BMI1: variants seen among roughly 807,000 people sequenced by gnomAD.
BMI1 encodes BMI1 proto-oncogene, polycomb ring finger.
A neutral mutation model predicts 39.1 loss-of-function variants in BMI1; 9 were observed. The observed-to-expected ratio is 0.23, with a 90% CI of 0.14 to 0.40. The LOEUF is 0.40. Among genes scored for constraint, BMI1 ranks in the 10% least tolerant of loss-of-function variants. The pLI, the probability that BMI1 is intolerant of heterozygous loss-of-function variation, is 1.00. For missense variants in BMI1, 252 were observed against 390.8 expected (o/e 0.64, Z 2.99); for synonymous variants, 131 against 127.9 (o/e 1.02, Z -0.16).
rs1276180701 is a variant in BMI1 at position 22,330,456 on chromosome 10, C to T, written c.*914C>T. Reference sequence around the variant, plus strand: ...AGTCTGTTCCATTAGAAGCAATTGGCACATCTTTCTATACTTTATATACTT... The same window carrying T: ...AGTCTGTTCCATTAGAAGCAATTGGTACATCTTTCTATACTTTATATACTT... On this transcript the variant is annotated 3_prime_UTR_variant, in exon 10 of 10. Transcript: ENST00000376663. 1 of 152,402 alleles carries T rather than the reference C, an allele frequency of 6.6e-6. No homozygotes were observed. Among genetic ancestry groups the T allele is most frequent in the Non-Finnish European group, 1.5e-5 (1 of 68,024 alleles). 9.4% of individuals were successfully genotyped at this position (152,402 alleles called of 1,614,324 possible).
At chr10:22,321,799 C>T (rs1400256822) in intron 1 of BMI1, 103 bp downstream of exon 1, 1 of 144,380 alleles carries the variant, frequency 6.9e-6, no homozygotes, top group Non-Finnish European at 1.5e-5. Flanking sequence ...CCCCGCGCCC[C>T]GGCCGCGCCG....
downstream of BMI1, among the ~76,000 whole-genome samples, chr10:22,331,673 G>A (rs1362701134): frequency 6.6e-6 from 1 of 152,072 alleles, no homozygotes; most frequent in Admixed American, 6.5e-5. Context: ...ATAAAACCAA[G>A]TTATCAACAT....
intron 1 of BMI1, among the ~76,000 whole-genome samples, chr10:22,322,384 T>TG (rs1357632072): frequency 2.0e-5 from 3 of 152,162 alleles, no homozygotes; most frequent in African/African-American, 7.2e-5. Context: ...TAACTTAAGT[T>TG]GGGGGGACAC....
In BMI1 at chr10:22,329,365, C is replaced by T. The variant is rs766117385; in HGVS notation, c.804C>T (p.Thr268=). The T allele has an allele frequency of 1.1e-5, 17 of 1,614,178 alleles. No homozygotes were observed. The highest frequency in any genetic ancestry group is 1.1e-5 in the Non-Finnish European group (13 of 1,180,026). Residue 268 remains threonine, a synonymous_variant, in exon 10 of 10, where the codon ACC becomes ACT. Transcript: ENST00000376663. ...GCCCAGCAGGAGGTATTCCCTCCAC[C>T]TCTTCTTGTTTGCCTAGCCCCAGTA... ...ANSPAGGIPS[T]SSCLPSPSTP... is the part of the protein sequence containing the mutation.
chr10:22,327,138 G>A (rs1428809104), intron 3 of BMI1, 152 bp downstream of exon 3: 22 of 924,086 alleles, frequency 2.4e-5, no homozygotes, highest in Non-Finnish European at 3.3e-5. Context: ...TTAATTTCTT[G>A]CCATATTAAT....
At chr10:22,325,544 G>T (rs1197031138) in intron 1 of BMI1, 1 of 148,746 alleles carries the variant, frequency 6.7e-6, no homozygotes, top group South Asian at 2.1e-4. Flanking sequence ...CTGTGGCCTC[G>T]TGGGGCTGCC....
At position 22,321,165 on chromosome 10, in the gene BMI1, G is replaced by A. The variant is rs1427322056; in HGVS notation, c.-551G>A. On this transcript the variant is annotated 5_prime_UTR_variant, in exon 1 of 10. Transcript: ENST00000376663. Reference sequence around the variant, plus strand: ...CCCCTCCCCCTCCTCCCCTCCCCCCGCTCGCACGCACACACACGGCGCCCC... The same window carrying A: ...CCCCTCCCCCTCCTCCCCTCCCCCCACTCGCACGCACACACACGGCGCCCC... The A allele has an allele frequency of 1.8e-5, 1 of 56,836 alleles. No individual in the cohort carries two copies. Among genetic ancestry groups the A allele is most frequent in the African/African-American group, 6.6e-5 (1 of 15,238 alleles). The allele number at this position is 56,836 out of a possible 1,614,324, so 3.5% of individuals were successfully genotyped here. A position where few individuals can be genotyped will look rare whatever the true frequency, so the allele number is the denominator to read the frequency against.
chr10:22,326,818 C>G (rs1564350362), intron 2 of BMI1, 72 bp from the exon 3 acceptor site: 2 of 1,560,212 alleles, frequency 1.3e-6, no homozygotes, highest in Non-Finnish European at 1.8e-6. Flanking sequence ...TCTACTAGTT[C>G]TGGGTTTCTA....
At chr10:22,321,845 GCGCCCCGCGCCGCC>G (rs1171412259) in intron 1 of BMI1, 149 bp downstream of exon 1, 6 of 142,392 alleles carry the variant, frequency 4.2e-5, no homozygotes, top group Non-Finnish European at 7.7e-5. Flanking sequence ...GCCCGGCCCC[GCGCCCCGCGCCGCC>G]CGCCCCGCGC....
rs142568869 is a variant in BMI1, at chr10:22,326,571, G to A, written c.112+10G>A. On this transcript the variant is annotated intron_variant, in intron 2 of 9. Coordinates refer to ENST00000376663, the MANE Select transcript of BMI1 (RefSeq NM_005180.9). ...GAATGTCTACATTCCTGTAAGTACC[G>A]AGCTTTAGCTCTCTTTTGTATCATG... is the stretch of plus-strand genomic sequence containing the variant. The A allele has an allele frequency of 7.6e-5, 122 of 1,612,216 alleles. No individual in the cohort carries two copies. In the African/African-American group the frequency reaches 1.5e-3, roughly 20 times the overall value.
At chr10:22,322,515 C>T (rs190792802) in intron 1 of BMI1, among the ~76,000 whole-genome samples, 3 of 152,330 alleles carry the variant, frequency 2.0e-5, no homozygotes, top group Non-Finnish European at 2.9e-5. Flanking sequence ...TGGATAAGTG[C>T]TCTGAACATC....
At chr10:22,325,205 AGAAG>A (rs1164153209) in intron 1 of BMI1, among the ~76,000 whole-genome samples, 2 of 152,176 alleles carry the variant, frequency 1.3e-5, no homozygotes, top group Non-Finnish European at 2.9e-5. Flanking sequence ...GTCACATTAG[AGAAG>A]GAAGTTTTAA....
At chr10:22,328,207 G>A (rs200364854) in intron 7 of BMI1, 28 bp downstream of exon 7, 150 of 1,579,556 alleles carry the variant, frequency 9.5e-5, no homozygotes, top group Non-Finnish European at 1.2e-4. Context: ...AAAACATATA[G>A]AAGAAACATT....
At chr10:22,328,926 C>CT in intron 8 of BMI1, 122 bp from the exon 9 acceptor site, 1 of 1,151,638 alleles carries the variant, frequency 8.7e-7, no homozygotes, top group Non-Finnish European at 1.2e-6. Context: ...TTTCAGGAGT[C>CT]TTTCTTTGTT....
rs1564351428 is a variant in BMI1 at position 22,329,560 on chromosome 10, GA to G, written c.*25del. 9 of 1,601,352 alleles carry G rather than the reference GA, an allele frequency of 5.6e-6. No individual in the cohort carries two copies. The highest frequency in any genetic ancestry group is 7.7e-6 in the Non-Finnish European group (9 of 1,174,336). On this transcript the variant is annotated 3_prime_UTR_variant, in exon 10 of 10. Transcript: ENST00000376663. ...CTGGTTGATACCTGAGACTGTTAAG[GA>G]AAAAAATTTTAAACCCCTGATTTAT...
At chr10:22,327,462 T>A (rs1019031824) in intron 3 of BMI1, 133 bp from the exon 4 acceptor site, 1 of 901,826 alleles carries the variant, frequency 1.1e-6, no homozygotes, top group Non-Finnish European at 1.6e-6. Flanking sequence ...AGTTTTTATC[T>A]TATCAATAAT....
Position 22,328,007 on chromosome 10 carries a change from T to C in BMI1, c.374T>C (p.Ile125Thr). ...GTTGCAGATGAAGATAAGAGAATTA[T>C]AACTGATGATGAGATAATAAGCTTA... ...GEVADEDKRIITDDEIISLSI... is the reference protein window; with the variant it reads ...GEVADEDKRITTDDEIISLSI... Residue 125 changes from isoleucine (I) to threonine (T), a missense_variant, in exon 6 of 10, where the codon ATA becomes ACA. Ile to Thr is a moderately conservative substitution (Grantham distance 89, BLOSUM62 -1). Around this residue, in one of 4 missense-constraint regions of BMI1, gnomAD observed 67 missense variants for 69.9 expected, o/e 0.96. Transcript: ENST00000376663. 6.2e-7 allele frequency: 1 copy of C among 1,611,534 alleles called. No homozygotes were observed. The highest frequency in any genetic ancestry group is 8.5e-7 in the Non-Finnish European group (1 of 1,179,102).
chr10:22,325,756 G>A (rs1338240860), intron 1 of BMI1: 1 of 151,956 alleles, frequency 6.6e-6, no homozygotes, highest in Non-Finnish European at 1.5e-5. Flanking sequence ...CCCCGACCGA[G>A]GCGAGTTCCG....
chr10:22,326,654 G>A, intron 2 of BMI1, 93 bp downstream of exon 2: 1 of 1,540,142 alleles, frequency 6.5e-7, no homozygotes, highest in Non-Finnish European at 8.7e-7. Context: ...GCAATCTGTG[G>A]AAATGTTGGT....
Sources: gnomAD v4.1 joint callset for allele counts (sites outside exome capture counted in the v4.1 genomes callset) on GRCh38, gnomAD v4.1.1 for gene constraint, gnomAD v4.1.1 regional missense constraint, MANE v1.5 for transcripts, NCBI Gene and HGNC (gene_info 2026-07-23, HGNC 2026-07-21) for gene names.